Variants in SLC9A8 observed in about 807,000 individuals in gnomAD.
The protein encoded by SLC9A8 is solute carrier family 9 member A8, also known as sodium/hydrogen exchanger 8.
In SLC9A8, 48 loss-of-function variants were observed where a neutral mutation model predicts 66.6. That is an observed-to-expected ratio of 0.72 (90% CI 0.57 to 0.92). SLC9A8 has a LOEUF of 0.92. Among genes scored for constraint, SLC9A8 ranks in the 40% least tolerant of loss-of-function variants. SLC9A8 has a pLI of 0.00. For synonymous variants in SLC9A8, 274 were observed against 282.6 expected (o/e 0.97, Z 0.31); for missense variants, 599 against 747.3 (o/e 0.80, Z 2.31).
At chr20:49,819,432 A>G (rs1242812142) in intron 2 of SLC9A8, among the ~76,000 whole-genome samples, 2 of 152,210 alleles carry the variant, frequency 1.3e-5, no homozygotes, top group Non-Finnish European at 2.9e-5. Flanking sequence ...TTGGAGTTGC[A>G]AATTTGTTTT....
At chr20:49,831,115 A>G (rs908157101) in intron 3 of SLC9A8, 5 of 582,704 alleles carry the variant, frequency 8.6e-6, no homozygotes, top group Non-Finnish European at 1.6e-5. Flanking sequence ...CCAGCCCTCT[A>G]ATCTCTCCGC....
Position 49,845,020 on chromosome 20 carries a change from C to T in SLC9A8, c.349-16C>T. 6.4e-7 allele frequency: 1 copy of T among 1,573,914 alleles called. No individual in the cohort carries two copies. The highest frequency in any genetic ancestry group is 8.7e-7 in the Non-Finnish European group (1 of 1,143,656). ...ACAAATTCCATGCCCTTAAGATACT[C>T]ATTTTCTATTTACAGGAAGAAGAAA... is the stretch of plus-strand genomic sequence containing the variant. On this transcript the variant is annotated splice_polypyrimidine_tract_variant and intron_variant, in intron 4 of 15. Transcript: ENST00000361573.
intron 3 of SLC9A8, among the ~76,000 whole-genome samples, chr20:49,837,140 A>C (rs1295740319): frequency 3.3e-5 from 5 of 152,138 alleles, no homozygotes; most frequent in Admixed American, 3.3e-4. Context: ...AAAGAATGAA[A>C]CTGTTTGTCT....
chr20:49,869,575 T>C (rs1178206967), intron 10 of SLC9A8, among the ~76,000 whole-genome samples: 1 of 147,474 alleles, frequency 6.8e-6, no homozygotes, highest in Non-Finnish European at 1.5e-5. Context: ...GGCTCACACC[T>C]ATAATCCCAG....
At chr20:49,863,495 G>A (rs1285892765) in intron 9 of SLC9A8, among the ~76,000 whole-genome samples, 1 of 152,190 alleles carries the variant, frequency 6.6e-6, no homozygotes, top group East Asian at 1.9e-4. Context: ...CCAGAGGATT[G>A]CTTTCGCCCA....
intron 3 of SLC9A8, among the ~76,000 whole-genome samples, chr20:49,824,686 A>G (rs540853847): frequency 6.6e-6 from 1 of 152,330 alleles, no homozygotes; most frequent in South Asian, 2.1e-4. Flanking sequence ...TAGAGCAGAC[A>G]TTGTTGGTGG....
Position 49,886,713 on chromosome 20 carries a change from C to T in SLC9A8, c.1492-39C>T. ...TCCAGGAGGTGCCCCCCGATGGTGC[C>T]AGCTGGTGGCCGTCGGGCCGCCTTT... On this transcript the variant is annotated intron_variant, in intron 14 of 15. Transcript: ENST00000361573. This position sits in a 1 kb window ranked among gnomAD's most constrained non-coding sequence, Gnocchi z 4.8. The T allele has an allele frequency of 6.3e-7, 1 of 1,599,524 alleles. No individual in the cohort carries two copies. The highest frequency in any genetic ancestry group is 8.5e-7 in the Non-Finnish European group (1 of 1,171,466).
intron 5 of SLC9A8, among the ~76,000 whole-genome samples, chr20:49,847,013 C>G (rs2088025280): frequency 6.6e-6 from 1 of 151,996 alleles, no homozygotes. Context: ...TTAGATTTGT[C>G]TAGAAATGTT....
chr20:49,840,760 T>C (rs1465385175), intron 4 of SLC9A8, among the ~76,000 whole-genome samples: 4 of 152,156 alleles, frequency 2.6e-5, no homozygotes, highest in Non-Finnish European at 5.9e-5. Context: ...ACTCCTAGGC[T>C]GGATATAGCC....
chr20:49,834,158 T>G (rs1292900830), intron 3 of SLC9A8, among the ~76,000 whole-genome samples: 1 of 50,654 alleles, frequency 2.0e-5, no homozygotes, highest in Admixed American at 2.0e-4. Flanking sequence ...TCTCTCTCTC[T>G]CTCTCTCTCT....
At chr20:49,828,764 G>A (rs187825573) in intron 3 of SLC9A8, among the ~76,000 whole-genome samples, 6 of 151,718 alleles carry the variant, frequency 4.0e-5, no homozygotes, top group East Asian at 2.0e-4. Context: ...ACTTTACTCC[G>A]GTAGACGGAG....
intron 13 of SLC9A8, among the ~76,000 whole-genome samples, chr20:49,882,675 A>G (rs1243423508): frequency 6.6e-6 from 1 of 152,096 alleles, no homozygotes; most frequent in African/African-American, 2.4e-5. Context: ...TGTCATCCCT[A>G]TGCCTTTGCA....
intron 8 of SLC9A8, among the ~76,000 whole-genome samples, chr20:49,860,937 A>G (rs548260949): frequency 6.4e-4 from 97 of 152,286 alleles, no homozygotes; most frequent in Non-Finnish European, 1.9e-4. Context: ...ACAGTTTCCC[A>G]TGCTGTGAAG....
intron 8 of SLC9A8, among the ~76,000 whole-genome samples, chr20:49,856,508 G>C (rs954603250): frequency 2.0e-5 from 3 of 152,138 alleles, no homozygotes; most frequent in Non-Finnish European, 2.9e-5. Context: ...AGAAGTTAAA[G>C]ATGAATAATA....
At chr20:49,854,762 G>C (rs1035267398) in intron 7 of SLC9A8, among the ~76,000 whole-genome samples, 16 of 152,204 alleles carry the variant, frequency 1.1e-4, no homozygotes, top group Non-Finnish European at 2.4e-4. Context: ...TACAGTCACT[G>C]TCTGGATTGT....
chr20:49,822,914 G>C, intron 2 of SLC9A8, 147 bp from the exon 3 acceptor site: 1 of 650,034 alleles, frequency 1.5e-6, no homozygotes, highest in Non-Finnish European at 2.7e-6. Context: ...AATGAGACAC[G>C]AAAAACACCG....
rs545461279 is a variant in SLC9A8 at position 49,817,057 on chromosome 20, G to A, written c.208+1868G>A. Among the ~76,000 whole-genome samples the A allele has an allele frequency of 4.0e-3, 595 of 149,026 alleles. 6 individuals carry two copies. The highest frequency in any genetic ancestry group is 0.014 in the African/African-American group (571 of 40,898). ...CCAAATTCTTGTTTGGCCGGGCGCC[G>A]TGGCTCACACCTATAATCCCAGCAC... On this transcript the variant is annotated intron_variant, in intron 2 of 15. Coordinates refer to ENST00000361573, the MANE Select transcript of SLC9A8 (RefSeq NM_015266.3).
rs1274724423 is a variant in SLC9A8, at chr20:49,890,005, C to CT, written c.*2072dup. ...CAGCCAGGTCACACCTGGCCTCACA[C>CT]TTTGAGCTGAGACTTGAAAACGATG... On this transcript the variant is annotated 3_prime_UTR_variant, in exon 16 of 16. Transcript: ENST00000361573. The CT allele has an allele frequency of 2.0e-5, 3 of 152,240 alleles. No homozygotes were observed. Among genetic ancestry groups the CT allele is most frequent in the African/African-American group, 7.2e-5 (3 of 41,440 alleles). 9.4% of individuals were successfully genotyped at this position (152,240 alleles called of 1,614,324 possible). A position where few individuals can be genotyped will look rare whatever the true frequency, so the allele number is the denominator to read the frequency against.
At chr20:49,832,858 T>A (rs1329968661) in intron 3 of SLC9A8, among the ~76,000 whole-genome samples, 1 of 152,152 alleles carries the variant, frequency 6.6e-6, no homozygotes, top group Non-Finnish European at 1.5e-5. Context: ...TCTGTAAAGT[T>A]CCTTTTTATA....
Sources: allele counts gnomAD v4.1 joint callset (sites outside exome capture counted in the v4.1 genomes callset), GRCh38; gene constraint gnomAD v4.1.1; non-coding constraint Gnocchi (gnomAD v3.1); transcripts MANE v1.5; gene names NCBI Gene and HGNC (gene_info 2026-07-23, HGNC 2026-07-21).